Variants in GRM5 observed in about 807,000 individuals in gnomAD.
GRM5 encodes the protein metabotropic glutamate receptor 5.
In GRM5, 19 loss-of-function variants were observed where a neutral mutation model predicts 83.1. The ratio of observed to expected loss-of-function variants is 0.23; its 90% CI spans 0.16 to 0.34. The LOEUF (loss-of-function observed/expected upper bound fraction) is 0.34, where lower values mean the gene tolerates loss of function less well. Ranked by LOEUF, GRM5 falls within the 10% of genes least tolerant of loss-of-function variation. The pLI, the probability that GRM5 is intolerant of heterozygous loss-of-function variation, is 1.00. For missense variants in GRM5, 1,160 were observed against 1,588.3 expected (o/e 0.73, Z 4.58); for synonymous variants, 675 against 633.6 (o/e 1.07, Z -0.98).
intron 3 of GRM5, among the ~76,000 whole-genome samples, chr11:88,768,609 T>C (rs191489380): frequency 7.1e-6 from 1 of 140,198 alleles, no homozygotes; most frequent in African/African-American, 2.7e-5. Flanking sequence ...GTTATATGTA[T>C]GAACCACCTA....
intron 3 of GRM5, among the ~76,000 whole-genome samples, chr11:88,846,540 G>A (rs1417356847): frequency 3.3e-5 from 5 of 152,214 alleles, no homozygotes; most frequent in Non-Finnish European, 7.3e-5. Flanking sequence ...GGTTGTCTCA[G>A]CAGCAGAGTT....
intron 2 of GRM5, among the ~76,000 whole-genome samples, chr11:88,962,066 T>G (rs1272726001): frequency 6.6e-6 from 1 of 152,190 alleles, no homozygotes; most frequent in Non-Finnish European, 1.5e-5. Context: ...ATAGATAAAC[T>G]GAGATGCATA....
At chr11:88,973,365 G>A (rs1384891430) in intron 2 of GRM5, among the ~76,000 whole-genome samples, 3 of 152,152 alleles carry the variant, frequency 2.0e-5, no homozygotes, top group Non-Finnish European at 4.4e-5. Context: ...CTTTGCAGAT[G>A]TGAGTAAGTT....
At chr11:88,760,830 C>A (rs1208822519) in intron 3 of GRM5, among the ~76,000 whole-genome samples, 1 of 152,108 alleles carries the variant, frequency 6.6e-6, no homozygotes, top group Admixed American at 6.6e-5. Context: ...CAAACCAAAT[C>A]CAGCAGCTCA....
At chr11:89,009,207 A>G in intron 2 of GRM5, 1 of 601,064 alleles carries the variant, frequency 1.7e-6, no homozygotes, top group Non-Finnish European at 3.0e-6. Flanking sequence ...GTAAGTTGAC[A>G]TATTAGCATA....
intron 3 of GRM5, among the ~76,000 whole-genome samples, chr11:88,683,256 A>G (rs903454059): frequency 3.9e-5 from 6 of 152,116 alleles, no homozygotes; most frequent in African/African-American, 7.2e-5. Context: ...CAATGCCCCC[A>G]TGGGGTATGG....
At chr11:88,722,210 C>T (rs6483397) in intron 3 of GRM5, among the ~76,000 whole-genome samples, 137,022 of 152,170 alleles carry the variant, frequency 0.9, 62,213 homozygotes, top group Non-Finnish European at 0.97. Flanking sequence ...TTAGCCTTTA[C>T]TGGAGGGTGG....
At chr11:88,608,065 T>C (rs1238803501) in intron 4 of GRM5, among the ~76,000 whole-genome samples, 1 of 152,154 alleles carries the variant, frequency 6.6e-6, no homozygotes, top group Admixed American at 6.5e-5. Context: ...CCTTATCTGC[T>C]ATGCAAGTGG....
intron 3 of GRM5, among the ~76,000 whole-genome samples, chr11:88,728,623 C>T (rs1941737170): frequency 6.6e-6 from 1 of 152,118 alleles, no homozygotes; most frequent in South Asian, 2.1e-4. Context: ...TGAAAATCCT[C>T]AATAAAATAC....
chr11:88,565,191 G>C (rs563868404), intron 8 of GRM5, among the ~76,000 whole-genome samples: 1 of 152,316 alleles, frequency 6.6e-6, no homozygotes, highest in Non-Finnish European at 1.5e-5. Context: ...CACCTGCTAA[G>C]TGATGCTGCC....
At chr11:88,820,390 A>G (rs1395006661) in intron 3 of GRM5, among the ~76,000 whole-genome samples, 1 of 151,310 alleles carries the variant, frequency 6.6e-6, no homozygotes, top group Non-Finnish European at 1.5e-5. Flanking sequence ...AAAAAAAAAA[A>G]AAAGCCAATA....
At chr11:88,892,167 T>C (rs1408242081) in intron 2 of GRM5, among the ~76,000 whole-genome samples, 2 of 151,838 alleles carry the variant, frequency 1.3e-5, no homozygotes, top group African/African-American at 4.8e-5. Flanking sequence ...TTTTTTTTTT[T>C]TTTTTTTCAA....
At chr11:88,985,543 T>A (rs1223218258) in intron 2 of GRM5, among the ~76,000 whole-genome samples, 1 of 150,650 alleles carries the variant, frequency 6.6e-6, no homozygotes, top group African/African-American at 2.5e-5. Context: ...AACAACACTT[T>A]CTGACATAAA....
At chr11:88,778,200 G>A (rs1432832555) in intron 3 of GRM5, among the ~76,000 whole-genome samples, 1 of 152,228 alleles carries the variant, frequency 6.6e-6, no homozygotes, top group African/African-American at 2.4e-5. Context: ...GCCTGGCAGA[G>A]TGATCTCAGA....
At chr11:88,934,988 C>T (rs1232398092) in intron 2 of GRM5, among the ~76,000 whole-genome samples, 2 of 151,858 alleles carry the variant, frequency 1.3e-5, no homozygotes, top group Non-Finnish European at 2.9e-5. Flanking sequence ...TACTGTGGGC[C>T]TATTATATCT....
intron 2 of GRM5, among the ~76,000 whole-genome samples, chr11:88,916,335 A>G (rs1030795087): frequency 6.6e-6 from 1 of 152,164 alleles, no homozygotes; most frequent in African/African-American, 2.4e-5. Flanking sequence ...GCAGTAGGAC[A>G]GAGAATCTGT....
chr11:88,653,746 A>G (rs975214686), intron 3 of GRM5, among the ~76,000 whole-genome samples: 4 of 152,058 alleles, frequency 2.6e-5, no homozygotes, highest in Non-Finnish European at 5.9e-5. Flanking sequence ...ATGGACATTT[A>G]ATAGCCAGGT....
chr11:88,762,623 C>T (rs1942546973), intron 3 of GRM5, among the ~76,000 whole-genome samples: 1 of 151,856 alleles, frequency 6.6e-6, no homozygotes, highest in African/African-American at 2.4e-5. Context: ...CAGTGTGGTA[C>T]CTCCTCAAAG....
intron 4 of GRM5, among the ~76,000 whole-genome samples, chr11:88,645,655 T>C (rs1450647978): frequency 6.6e-6 from 1 of 152,260 alleles, no homozygotes; most frequent in South Asian, 2.1e-4. Flanking sequence ...ATTTGCTCTT[T>C]AGGTGAAGAC....
Sources: allele counts gnomAD v4.1 joint callset (sites outside exome capture counted in the v4.1 genomes callset), GRCh38; gene constraint gnomAD v4.1.1; transcripts MANE v1.5; gene names NCBI Gene and HGNC (gene_info 2026-07-23, HGNC 2026-07-21).